The following CTXN2 variants were observed in gnomAD, a reference collection of about 807,000 sequenced individuals.
CTXN2 encodes the protein cortexin-2.
A neutral mutation model predicts 5.7 loss-of-function variants in CTXN2; 3 were observed. The observed-to-expected ratio is 0.53, with a 90% CI of 0.24 to 1.36. CTXN2 has a LOEUF of 1.36. Among genes scored for constraint, CTXN2 ranks in the 40% most tolerant of loss-of-function variants. The pLI is 0.17. For missense variants in CTXN2, 87 were observed against 93.0 expected (o/e 0.94, Z 0.26); for synonymous variants, 38 against 36.4 (o/e 1.04, Z -0.16).
intron 1 of CTXN2, among the ~76,000 whole-genome samples, chr15:48,184,253 A>G (rs1016161227): frequency 1.3e-5 from 2 of 152,204 alleles, no homozygotes; most frequent in Non-Finnish European, 2.9e-5. Context: ...ATAAACGTTC[A>G]TTCAGTTTAG....
At chr15:48,197,428 A>G (rs900297099) in intron 1 of CTXN2, among the ~76,000 whole-genome samples, 34 of 151,988 alleles carry the variant, frequency 2.2e-4, no homozygotes, top group African/African-American at 7.0e-4. Flanking sequence ...ATATATAGAT[A>G]TGGATATATA....
At chr15:48,194,222 T>TTG (rs1555462632) in intron 1 of CTXN2, among the ~76,000 whole-genome samples, 2 of 152,018 alleles carry the variant, frequency 1.3e-5, no homozygotes, top group African/African-American at 4.8e-5. Flanking sequence ...CCATTTTTTT[T>TTG]TTGTTAAAAA....
chr15:48,187,617 A>G (rs924694855), upstream of CTXN2, among the ~76,000 whole-genome samples: 2 of 152,220 alleles, frequency 1.3e-5, no homozygotes, highest in Admixed American at 1.3e-4. Context: ...TAGAGCCAAG[A>G]TGGCAAGAAT....
intron 1 of CTXN2, among the ~76,000 whole-genome samples, chr15:48,183,445 T>G (rs565996085): frequency 9.5e-4 from 145 of 152,332 alleles, no homozygotes; most frequent in African/African-American, 3.3e-3. Context: ...ATGGAGGTTT[T>G]CAGACAACAG....
rs1191384324 is a variant in CTXN2 at position 48,202,658 on chromosome 15, A to G, written c.*1112A>G. ...TGAATGTGAAAGCATTTTGTAAACC[A>G]TAAAACAGTATCTAAACATACCTTG... On this transcript the variant is annotated 3_prime_UTR_variant, in exon 2 of 2. Coordinates refer to ENST00000417307, the MANE Select transcript of CTXN2 (RefSeq NM_001145668.2). The G allele has an allele frequency of 6.0e-6, 1 of 167,068 alleles. No homozygotes were observed. Among genetic ancestry groups the G allele is most frequent in the Admixed American group, 6.5e-5 (1 of 15,284 alleles). The allele number at this position is 167,068 out of a possible 1,614,324, so 10.3% of individuals were successfully genotyped here.
Position 48,201,704 on chromosome 15 carries a change from T to C in CTXN2, c.*158T>C, listed in dbSNP as rs1426218398. ...TCACCATGCTGTGTAAATGATAAACTATTGTTGGGATTCCTCACTTTCCTC... is the reference window on the plus strand; with the variant it reads ...TCACCATGCTGTGTAAATGATAAACCATTGTTGGGATTCCTCACTTTCCTC... On this transcript the variant is annotated 3_prime_UTR_variant, in exon 2 of 2. Coordinates refer to ENST00000417307, the MANE Select transcript of CTXN2 (RefSeq NM_001145668.2). 1.3e-6 allele frequency: 1 copy of C among 750,204 alleles called. No homozygotes were observed. Among genetic ancestry groups the C allele is most frequent in the African/African-American group, 1.8e-5 (1 of 56,182 alleles). 46.5% of individuals were successfully genotyped at this position (750,204 alleles called of 1,614,324 possible). A position where few individuals can be genotyped will look rare whatever the true frequency, so the allele number is the denominator to read the frequency against.
chr15:48,197,134 G>A (rs1436760982), intron 1 of CTXN2, among the ~76,000 whole-genome samples: 2 of 151,514 alleles, frequency 1.3e-5, no homozygotes, highest in East Asian at 1.9e-4. Context: ...ACAAATAAAG[G>A]GCTTAATCTT....
At chr15:48,200,533 C>T (rs1187700345) in intron 1 of CTXN2, among the ~76,000 whole-genome samples, 1 of 152,104 alleles carries the variant, frequency 6.6e-6, no homozygotes, top group Non-Finnish European at 1.5e-5. Flanking sequence ...TTTATGTTTA[C>T]TTAGAGTGTT....
upstream of CTXN2, chr15:48,191,591 A>G (rs1050387984): frequency 7.3e-6 from 3 of 412,700 alleles, no homozygotes; most frequent in African/African-American, 4.1e-5. Context: ...ACACTGCCAC[A>G]CCGAAGAAAT....
intron 1 of CTXN2, among the ~76,000 whole-genome samples, chr15:48,195,119 CTT>C (rs1296400827): frequency 6.6e-6 from 1 of 152,112 alleles, no homozygotes; most frequent in Non-Finnish European, 1.5e-5. Context: ...CAGAAATAAA[CTT>C]GTCATTTACT....
At chr15:48,185,296 A>G (rs2140970061) in intron 1 of CTXN2, among the ~76,000 whole-genome samples, 1 of 152,314 alleles carries the variant, frequency 6.6e-6, no homozygotes, top group Non-Finnish European at 1.5e-5. Flanking sequence ...GTACTTAATA[A>G]TAATGTAACA....
intron 1 of CTXN2, among the ~76,000 whole-genome samples, chr15:48,194,233 T>C (rs1169668140): frequency 6.6e-6 from 1 of 151,896 alleles, no homozygotes; most frequent in Non-Finnish European, 1.5e-5. Context: ...TTGTTAAAAA[T>C]GGAAATTTTA....
At chr15:48,186,381 T>TG (rs1418237929) in intron 1 of CTXN2, among the ~76,000 whole-genome samples, 8 of 152,230 alleles carry the variant, frequency 5.3e-5, no homozygotes, top group Non-Finnish European at 1.0e-4. Flanking sequence ...AGTGTCATCA[T>TG]GCTCAATTCA....
At chr15:48,197,780 T>C in intron 1 of CTXN2, among the ~76,000 whole-genome samples, 1 of 152,092 alleles carries the variant, frequency 6.6e-6, no homozygotes, top group Non-Finnish European at 1.5e-5. Flanking sequence ...AAATAGCCAT[T>C]CATCTATTCC....
chr15:48,187,794 C>CA (rs1169740670), upstream of CTXN2, among the ~76,000 whole-genome samples: 1 of 152,110 alleles, frequency 6.6e-6, no homozygotes. Context: ...ACAAGGTGGA[C>CA]AATTAACACT....
chr15:48,194,741 A>C (rs986622652), intron 1 of CTXN2, among the ~76,000 whole-genome samples: 24 of 152,176 alleles, frequency 1.6e-4, no homozygotes, highest in Non-Finnish European at 3.1e-4. Flanking sequence ...AACAGAAAAT[A>C]GACTTTAATG....
In CTXN2 at chr15:48,201,460, G is replaced by C; in HGVS notation, c.160G>C (p.Asp54His). The C allele has an allele frequency of 6.4e-7, 1 of 1,551,290 alleles. No homozygotes were observed. The highest frequency in any genetic ancestry group is 8.7e-7 in the Non-Finnish European group (1 of 1,146,696). Reference sequence around the variant, plus strand: ...TATCCGATGCTTCAAAATCCTGCTAGACCCATATAGTAGCATGCCTTCCTC... The same window carrying C: ...TATCCGATGCTTCAAAATCCTGCTACACCCATATAGTAGCATGCCTTCCTC... ...LIIRCFKILL[D>H]PYSSMPSSTW... The change falls in exon 2 of 2, where the codon GAC becomes CAC. Residue 54 changes from aspartate (D) to histidine (H), a missense_variant. Asp to His is a moderately conservative substitution (Grantham distance 81). Transcript: ENST00000417307.
At chr15:48,195,744 T>G (rs541629657) in intron 1 of CTXN2, among the ~76,000 whole-genome samples, 1 of 152,274 alleles carries the variant, frequency 6.6e-6, no homozygotes, top group Non-Finnish European at 1.5e-5. Context: ...TGGATCTTCT[T>G]TTTTTTCACC....
At chr15:48,184,607 A>G (rs2040730491) in intron 1 of CTXN2, among the ~76,000 whole-genome samples, 1 of 152,188 alleles carries the variant, frequency 6.6e-6, no homozygotes, top group South Asian at 2.1e-4. Flanking sequence ...ACCACTATAT[A>G]TTATTGGAAT....
Sources: allele counts gnomAD v4.1 joint callset (sites outside exome capture counted in the v4.1 genomes callset), GRCh38; gene constraint gnomAD v4.1.1; transcripts MANE v1.5; gene names NCBI Gene and HGNC (gene_info 2026-07-23, HGNC 2026-07-21).